The following PIP5K1B variants were observed in gnomAD, a reference collection of about 807,000 sequenced individuals.
The protein encoded by PIP5K1B is phosphatidylinositol-4-phosphate 5-kinase type 1 beta, also known as phosphatidylinositol 4-phosphate 5-kinase type-1 beta.
A neutral mutation model predicts 67.0 loss-of-function variants in PIP5K1B; 42 were observed. The ratio of observed to expected loss-of-function variants is 0.63; its 90% CI spans 0.49 to 0.81. The LOEUF (loss-of-function observed/expected upper bound fraction) is 0.81. Among genes scored for constraint, PIP5K1B ranks in the 30% least tolerant of loss-of-function variants. PIP5K1B has a pLI of 0.00. For synonymous variants in PIP5K1B, 214 were observed against 231.4 expected, an observed-to-expected ratio of 0.92 and a Z score of 0.68; for missense variants, 459 against 646.3, an observed-to-expected ratio of 0.71 and a Z score of 3.14.
At chr9:68,977,655 CTTT>C (rs758854141) in intron 14 of PIP5K1B, among the ~76,000 whole-genome samples, 1 of 133,080 alleles carries the variant, frequency 7.5e-6, no homozygotes. Flanking sequence ...TTATTGGCTT[CTTT>C]TTTTTTTTTT....
intron 2 of PIP5K1B, among the ~76,000 whole-genome samples, chr9:68,748,461 A>G (rs1441046461): frequency 3.3e-5 from 5 of 152,212 alleles, no homozygotes; most frequent in African/African-American, 9.6e-5. Flanking sequence ...AGATAGTTCT[A>G]TGCAAAGATT....
rs1313831953 is a variant in PIP5K1B at position 68,992,966 on chromosome 9, G to A, written c.1620+1709G>A. Reference sequence around the variant, plus strand: ...GAGGTCAGGAGTTCGAGACCATCCTGGCTAACACGGTGAAACCCCATCTGT... The same window carrying A: ...GAGGTCAGGAGTTCGAGACCATCCTAGCTAACACGGTGAAACCCCATCTGT... On this transcript the variant is annotated intron_variant, in intron 15 of 15. Coordinates refer to ENST00000265382, the MANE Select transcript of PIP5K1B (RefSeq NM_003558.4). Among the ~76,000 whole-genome samples the A allele has an allele frequency of 3.3e-5, 5 of 151,302 alleles. No individual in the cohort carries two copies. In the East Asian group the frequency reaches 9.7e-4, roughly 29 times the overall value.
chr9:68,759,065 G>C (rs750449224), intron 2 of PIP5K1B, among the ~76,000 whole-genome samples: 1 of 152,082 alleles, frequency 6.6e-6, no homozygotes, highest in Non-Finnish European at 1.5e-5. Flanking sequence ...GCCAGTAGTA[G>C]ACCTTGTATA....
chr9:68,852,781 G>A (rs1263074323), intron 4 of PIP5K1B, among the ~76,000 whole-genome samples: 3 of 152,204 alleles, frequency 2.0e-5, no homozygotes, highest in Non-Finnish European at 1.5e-5. Flanking sequence ...TAGAGCTACA[G>A]GGATGCAGGA....
intron 2 of PIP5K1B, among the ~76,000 whole-genome samples, chr9:68,766,710 T>C (rs1830444384): frequency 6.6e-6 from 1 of 152,220 alleles, no homozygotes; most frequent in South Asian, 2.1e-4. Flanking sequence ...TTTTTCTATG[T>C]GTCTGTATTT....
At chr9:68,790,729 A>T (rs1274667537) in intron 2 of PIP5K1B, among the ~76,000 whole-genome samples, 1 of 152,194 alleles carries the variant, frequency 6.6e-6, no homozygotes, top group Non-Finnish European at 1.5e-5. Context: ...TCTTAAACAG[A>T]AACTTGGGCT....
At chr9:68,925,508 T>C (rs1247637554) in intron 12 of PIP5K1B, among the ~76,000 whole-genome samples, 1 of 152,194 alleles carries the variant, frequency 6.6e-6, no homozygotes, top group Non-Finnish European at 1.5e-5. Flanking sequence ...TGTAGTTCCT[T>C]TGAGAATTGA....
intron 14 of PIP5K1B, among the ~76,000 whole-genome samples, chr9:68,984,983 C>T (rs1564293178): frequency 6.6e-6 from 1 of 152,188 alleles, no homozygotes; most frequent in Non-Finnish European, 1.5e-5. Flanking sequence ...CCTCCCTGGG[C>T]CTCATCCTGG....
intron 15 of PIP5K1B, among the ~76,000 whole-genome samples, chr9:68,993,577 T>C (rs1228046733): frequency 6.6e-6 from 1 of 152,118 alleles, no homozygotes; most frequent in Non-Finnish European, 1.5e-5. Flanking sequence ...AAAATAAGAT[T>C]GTAGCAGATC....
intron 2 of PIP5K1B, among the ~76,000 whole-genome samples, chr9:68,745,144 C>A (rs1483044530): frequency 5.3e-5 from 8 of 152,220 alleles, no homozygotes; most frequent in Admixed American, 5.2e-4. Context: ...ACAGTGCCTT[C>A]CACATCGTAA....
intron 14 of PIP5K1B, among the ~76,000 whole-genome samples, chr9:68,968,910 G>A (rs1195368725): frequency 6.6e-6 from 1 of 152,006 alleles, no homozygotes; most frequent in Non-Finnish European, 1.5e-5. Flanking sequence ...CATGCTGGGG[G>A]TTTTATTTGT....
intron 2 of PIP5K1B, among the ~76,000 whole-genome samples, chr9:68,748,832 G>C (rs1009881791): frequency 1.3e-5 from 2 of 151,976 alleles, no homozygotes; most frequent in South Asian, 4.2e-4. Context: ...GGCTGGTCTC[G>C]AACTCCCGAC....
At chr9:68,978,725 A>G (rs1183079528) in intron 14 of PIP5K1B, among the ~76,000 whole-genome samples, 3 of 152,206 alleles carry the variant, frequency 2.0e-5, no homozygotes, top group Non-Finnish European at 4.4e-5. Context: ...AGTAAAATTT[A>G]TATATAGTAA....
chr9:68,761,077 A>G (rs949470919), intron 2 of PIP5K1B, among the ~76,000 whole-genome samples: 5 of 152,104 alleles, frequency 3.3e-5, no homozygotes, highest in African/African-American at 9.7e-5. Flanking sequence ...TATATTGGCT[A>G]TGCAACTAAC....
chr9:68,743,123 A>G (rs1410763960), intron 2 of PIP5K1B, among the ~76,000 whole-genome samples: 2 of 152,162 alleles, frequency 1.3e-5, no homozygotes, highest in African/African-American at 4.8e-5. Context: ...CCCTGCTTCA[A>G]GGAGCTCAGA....
chr9:68,919,429 C>T, intron 9 of PIP5K1B, 50 bp from the exon 10 acceptor site: 3 of 892,370 alleles, frequency 3.4e-6, no homozygotes, highest in Non-Finnish European at 5.2e-6. Context: ...TTTTAACTTC[C>T]TATTCTTATA....
In PIP5K1B at chr9:68,760,698, CCTT is replaced by C. The variant is rs545760827; in HGVS notation, c.-86+18042_-86+18044del. ...TGTCCTCACCTCCAGACTGTAAGCT[CCTT>C]GAGTCCAAAAAACCATGACTATTTT... On this transcript the variant is annotated intron_variant, in intron 2 of 15. Transcript: ENST00000265382. Among the ~76,000 whole-genome samples the C allele has an allele frequency of 1.7e-3, 262 of 152,142 alleles. 6 individuals carry two copies. The highest frequency in any genetic ancestry group is 0.012 in the Admixed American group (180 of 15,266).
At chr9:68,865,453 G>T (rs968932109) in intron 5 of PIP5K1B, among the ~76,000 whole-genome samples, 5 of 152,078 alleles carry the variant, frequency 3.3e-5, no homozygotes, top group African/African-American at 7.2e-5. Flanking sequence ...GTCTCCAAAG[G>T]TCTCTACCCA....
At chr9:68,812,385 A>T (rs1277633951) in intron 2 of PIP5K1B, among the ~76,000 whole-genome samples, 1 of 152,234 alleles carries the variant, frequency 6.6e-6, no homozygotes, top group Non-Finnish European at 1.5e-5. Context: ...AAGGTCACAG[A>T]ATCCAGATAC....
Sources: gnomAD v4.1 joint callset for allele counts (sites outside exome capture counted in the v4.1 genomes callset) on GRCh38, gnomAD v4.1.1 for gene constraint, MANE v1.5 for transcripts, NCBI Gene and HGNC (gene_info 2026-07-23, HGNC 2026-07-21) for gene names.